KDM4A: variants seen among roughly 807,000 people sequenced by gnomAD.
KDM4A encodes the protein lysine demethylase 4A.
Under a neutral mutation model 127.1 loss-of-function variants are expected in KDM4A, and 23 were observed. The ratio of observed to expected loss-of-function variants is 0.18; its 90% CI spans 0.13 to 0.26. The LOEUF is 0.26. KDM4A is among the 10% of genes least tolerant of loss of function. The probability of loss-of-function intolerance (pLI) is 1.00; values close to 1 mark genes in which losing one functional copy is unlikely to be tolerated. For missense variants in KDM4A, 890 were observed against 1,329.1 expected (o/e 0.67, Z 5.14); for synonymous variants, 443 against 466.5 (o/e 0.95, Z 0.65).
intron 11 of KDM4A, among the ~76,000 whole-genome samples, chr1:43,672,491 GT>G (rs896678586): frequency 2.9e-5 from 4 of 138,114 alleles, no homozygotes; most frequent in African/African-American, 8.2e-5. Flanking sequence ...CTGGCCTTTT[GT>G]TTTTTTTTCT....
chr1:43,668,251 G>A (rs1000579834), intron 9 of KDM4A, among the ~76,000 whole-genome samples: 1 of 151,994 alleles, frequency 6.6e-6, no homozygotes, highest in Non-Finnish European at 1.5e-5. Flanking sequence ...TCAGCCTCCC[G>A]AGTAGCTGGG....
At chr1:43,690,769 C>T (rs770810415) in intron 13 of KDM4A, 76 bp from the exon 14 acceptor site, 9 of 1,358,534 alleles carry the variant, frequency 6.6e-6, no homozygotes, top group Non-Finnish European at 9.5e-6. Context: ...AGCCAGCTTT[C>T]TGCTGATAGA....
intron 11 of KDM4A, among the ~76,000 whole-genome samples, chr1:43,681,356 C>A (rs1007415015): frequency 6.6e-6 from 1 of 152,162 alleles, no homozygotes; most frequent in African/African-American, 2.4e-5. Context: ...AATTCATCAT[C>A]CAAGACAATC....
chr1:43,666,265 A>C (rs920281292), intron 6 of KDM4A, 187 bp from the exon 7 acceptor site: 1 of 574,424 alleles, frequency 1.7e-6, no homozygotes, highest in Non-Finnish European at 3.0e-6. Flanking sequence ...AATGCCCTAC[A>C]TGGGAGTGAG....
At chr1:43,675,360 T>TA (rs1342802381) in intron 11 of KDM4A, among the ~76,000 whole-genome samples, 2 of 152,236 alleles carry the variant, frequency 1.3e-5, no homozygotes, top group Non-Finnish European at 2.9e-5. Flanking sequence ...TACTTAATGA[T>TA]ACGTGTTGTG....
chr1:43,684,549 C>G (rs1471123258), intron 12 of KDM4A, among the ~76,000 whole-genome samples: 1 of 152,032 alleles, frequency 6.6e-6, no homozygotes, highest in Non-Finnish European at 1.5e-5. Context: ...GGACAGCATG[C>G]TATGGAGAAG....
intron 11 of KDM4A, among the ~76,000 whole-genome samples, chr1:43,677,784 C>T (rs946154351): frequency 3.3e-5 from 5 of 152,152 alleles, no homozygotes; most frequent in African/African-American, 1.2e-4. Context: ...GATGATTTCA[C>T]TTCCTACATT....
chr1:43,699,501 G>A (rs577417251), intron 19 of KDM4A, among the ~76,000 whole-genome samples: 29 of 152,102 alleles, frequency 1.9e-4, no homozygotes, highest in African/African-American at 6.5e-4. Flanking sequence ...GAAGGATGTG[G>A]TATTATCTCT....
At chr1:43,696,888 G>A (rs1441788852) in intron 18 of KDM4A, among the ~76,000 whole-genome samples, 1 of 150,554 alleles carries the variant, frequency 6.6e-6, no homozygotes, top group Non-Finnish European at 1.5e-5. Flanking sequence ...AGTTTTAGGT[G>A]CCAGGACTAT....
intron 10 of KDM4A, among the ~76,000 whole-genome samples, chr1:43,671,169 C>G (rs1196103581): frequency 6.6e-6 from 1 of 152,218 alleles, no homozygotes; most frequent in African/African-American, 2.4e-5. Context: ...GTAGCCAGGT[C>G]TCTGCTGAGC....
intron 11 of KDM4A, among the ~76,000 whole-genome samples, chr1:43,676,927 G>C (rs966389334): frequency 1.3e-5 from 2 of 152,018 alleles, no homozygotes; most frequent in African/African-American, 4.8e-5. Flanking sequence ...CAAACACTAG[G>C]TCTTATTTCT....
rs913358581 is a variant in KDM4A at position 43,667,855 on chromosome 1, A to C, written c.999A>C (p.Lys333Asn). The C allele has an allele frequency of 6.2e-7, 1 of 1,614,056 alleles. No homozygotes were observed. Among genetic ancestry groups the C allele is most frequent in the Non-Finnish European group, 8.5e-7 (1 of 1,180,028 alleles). ...AGCCAGAAAGGTACAAACTTTGGAAAGCTGGGAAGGACAACACAGTTATTG... is the reference window on the plus strand; with the variant it reads ...AGCCAGAAAGGTACAAACTTTGGAACGCTGGGAAGGACAACACAGTTATTG... ...KFQPERYKLW[K>N]AGKDNTVIDH... The change falls in exon 9 of 22, where the codon AAA (lysine) becomes AAC (asparagine). Residue 333 changes from lysine (K) to asparagine (N), a missense_variant. By Grantham distance (94) the Lys-to-Asn change is moderately conservative. Around this residue, in one of 7 missense-constraint regions of KDM4A, gnomAD observed 141 missense variants for 273.5 expected, o/e 0.52. Coordinates refer to ENST00000372396, the MANE Select transcript of KDM4A (RefSeq NM_014663.3).
At chr1:43,689,752 CAGGT>C (rs1349771091) in intron 13 of KDM4A, among the ~76,000 whole-genome samples, 1 of 152,208 alleles carries the variant, frequency 6.6e-6, no homozygotes, top group Non-Finnish European at 1.5e-5. Flanking sequence ...CACAGCATAG[CAGGT>C]AGGTAAGTGG....
chr1:43,692,113 A>AG, intron 15 of KDM4A, 143 bp from the exon 16 acceptor site: 1 of 772,432 alleles, frequency 1.3e-6, no homozygotes, highest in Admixed American at 2.0e-5. Flanking sequence ...GTCCTGGTGC[A>AG]GGGGCTGCCT....
chr1:43,667,740 T>C, intron 8 of KDM4A, 32 bp from the exon 9 acceptor site: 1 of 1,613,426 alleles, frequency 6.2e-7, no homozygotes, highest in Non-Finnish European at 8.5e-7. Flanking sequence ...CAAGGTATGC[T>C]CACCTGGTGC....
intron 19 of KDM4A, among the ~76,000 whole-genome samples, chr1:43,701,633 G>T (rs370188172): frequency 6.6e-6 from 1 of 152,104 alleles, no homozygotes; most frequent in Non-Finnish European, 1.5e-5. Flanking sequence ...GACTATAGGC[G>T]TGTGCCATCA....
At chr1:43,695,645 T>C (rs562958361) in intron 18 of KDM4A, among the ~76,000 whole-genome samples, 1 of 152,200 alleles carries the variant, frequency 6.6e-6, no homozygotes, top group Non-Finnish European at 1.5e-5. Context: ...ATTATAGTTT[T>C]TGATAATCAC....
chr1:43,666,371 G>A, intron 6 of KDM4A, 81 bp from the exon 7 acceptor site: 1 of 1,090,268 alleles, frequency 9.2e-7, no homozygotes, highest in African/African-American at 1.6e-5. Context: ...ATTCCGATGA[G>A]AAGCACAGGT....
In KDM4A at chr1:43,698,030, G is replaced by A. The variant is rs780629932; in HGVS notation, c.2841+17G>A. ...GACATAGTGGTAATATCTGCAAGGA[G>A]CTTCTCAGGCAGTTTGGAATGGGGG... On this transcript the variant is annotated intron_variant, in intron 19 of 21. Transcript: ENST00000372396. The A allele has an allele frequency of 1.9e-6, 3 of 1,607,652 alleles. No individual in the cohort carries two copies. The highest frequency in any genetic ancestry group is 2.6e-6 in the Non-Finnish European group (3 of 1,175,680).
Sources: gnomAD v4.1 joint callset for allele counts (sites outside exome capture counted in the v4.1 genomes callset) on GRCh38, gnomAD v4.1.1 for gene constraint, gnomAD v4.1.1 regional missense constraint, MANE v1.5 for transcripts, NCBI Gene and HGNC (gene_info 2026-07-23, HGNC 2026-07-21) for gene names.